Variants in POLI observed in about 807,000 individuals in gnomAD.
POLI encodes DNA polymerase iota.
A neutral mutation model predicts 51.6 loss-of-function variants in POLI; 58 were observed. The ratio of observed to expected loss-of-function variants is 1.12; its 90% CI spans 0.91 to 1.40. The LOEUF is 1.40. Ranked by LOEUF, POLI falls within the 40% of genes most tolerant of loss-of-function variation. The probability of loss-of-function intolerance (pLI) is 0.00; values close to 1 mark genes in which losing one functional copy is unlikely to be tolerated. For missense variants in POLI, 921 were observed against 871.3 expected (o/e 1.06, Z -0.72); for synonymous variants, 322 against 299.7 (o/e 1.07, Z -0.77).
Position 54,280,862 on chromosome 18 carries a change from A to G in POLI, c.755A>G (p.Gln252Arg). ...QQTVLLPESC[Q>R]HLIHSLNHIK... is the part of the protein sequence containing the mutation. ...ACAGTCTTATTACCTGAAAGTTGTCAACATCTTATTCATAGTTTGAATCAC... is the reference window on the plus strand; with the variant it reads ...ACAGTCTTATTACCTGAAAGTTGTCGACATCTTATTCATAGTTTGAATCAC... Residue 252 changes from glutamine to arginine, a missense_variant, in exon 5 of 10, where the codon CAA becomes CGA. Gln to Arg is a conservative substitution (Grantham distance 43). Coordinates refer to ENST00000579534, the MANE Select transcript of POLI (RefSeq NM_007195.3). The G allele has an allele frequency of 1.2e-6, 2 of 1,611,448 alleles. No homozygotes were observed. The highest frequency in any genetic ancestry group is 1.7e-6 in the Non-Finnish European group (2 of 1,177,580).
rs187183647 is a variant in POLI at position 54,314,794 on chromosome 18, T to A, written c.334-5479T>A. Among the ~76,000 whole-genome samples the A allele has an allele frequency of 1.1e-3, 162 of 150,406 alleles. 3 individuals are homozygous for A. In the South Asian group the frequency reaches 0.03, roughly 28 times the overall value. On this transcript the variant is annotated intron_variant, in intron 3 of 4. Transcript: ENST00000579823. ...TCACTGGGTATCTTCTGTATTTCTG[T>A]GGGATCAGTTGTAATGTCATCTTTG...
chr18:54,293,095 A>G (rs368327162), intron 9 of POLI, among the ~76,000 whole-genome samples: 2 of 152,138 alleles, frequency 1.3e-5, no homozygotes, highest in East Asian at 3.9e-4. Context: ...AAGGATTTAA[A>G]TGAAAAACTG....
At chr18:54,309,246 C>T (rs1003609042) in intron 3 of POLI, among the ~76,000 whole-genome samples, 1 of 152,150 alleles carries the variant, frequency 6.6e-6, no homozygotes, top group Non-Finnish European at 1.5e-5. Context: ...CTTTGATAAT[C>T]GTGACCTACA....
At chr18:54,304,132 T>A (rs2088539934) in intron 3 of POLI, among the ~76,000 whole-genome samples, 1 of 152,334 alleles carries the variant, frequency 6.6e-6, no homozygotes, top group Admixed American at 6.5e-5. Flanking sequence ...GGTATATATG[T>A]GACACATTTT....
At chr18:54,298,890 T>G (rs1412195274), downstream of POLI, among the ~76,000 whole-genome samples, 4 of 152,082 alleles carry the variant, frequency 2.6e-5, no homozygotes, top group African/African-American at 7.2e-5. Context: ...CTGGCCCTAC[T>G]ACAGAATCTT....
Position 54,296,159 on chromosome 18 carries a change from T to A in POLI, c.*1692T>A. On this transcript the variant is annotated 3_prime_UTR_variant, in exon 10 of 10. Transcript: ENST00000579534. ...TATGAAAAGGGTATATAACTTTTTG[T>A]AAATCATTAAAACATTTTATAGTCC... 1 of 984,168 alleles carries A rather than the reference T, an allele frequency of 1.0e-6. No homozygotes were observed. The highest frequency in any genetic ancestry group is 1.2e-6 in the Non-Finnish European group (1 of 828,782). 61.0% of individuals were successfully genotyped at this position (984,168 alleles called of 1,614,324 possible). A position where few individuals can be genotyped will look rare whatever the true frequency, so the allele number is the denominator to read the frequency against.
In POLI at chr18:54,309,458, A is replaced by G. The variant is rs376959886; in HGVS notation, c.334-10815A>G. ...ATTGCTGCCTGATCCTTCCTCTGGA[A>G]GCTTTGTCTCAGAGGGGCACCCGGC... On this transcript the variant is annotated intron_variant, in intron 3 of 4. Coordinates refer to the POLI transcript ENST00000579823. Among the ~76,000 whole-genome samples, 9 of 152,250 alleles carry G rather than the reference A, an allele frequency of 5.9e-5. 1 individual carries two copies. In the South Asian group the frequency reaches 1.9e-3, roughly 32 times the overall value.
chr18:54,272,318 A>G (rs1453370922), intron 2 of POLI: 1 of 152,210 alleles, frequency 6.6e-6, no homozygotes, highest in Non-Finnish European at 1.5e-5. Flanking sequence ...TTTCTCCTGA[A>G]GGCATTTCTG....
In POLI at chr18:54,303,305, G is replaced by C. The variant is rs1447868680; in HGVS notation, c.333+15894G>C. On this transcript the variant is annotated intron_variant, in intron 3 of 4. Transcript: ENST00000579823. ...CCTAGATTGTTCTGCATTATTCCTA[G>C]AATGACAGAATGGTAGAAAACTCAA... Among the ~76,000 whole-genome samples the C allele has an allele frequency of 3.3e-5, 5 of 152,202 alleles. No homozygotes were observed. The East Asian group carries it at 9.7e-4, about 29-fold the overall frequency.
rs1161996566 is a variant in POLI at position 54,269,556 on chromosome 18, C to G, written c.10C>G (p.Leu4Val). ...GGTTGGCAGCGGCGGGATGGAGAAG[C>G]TGGGGGTGGAGCCGGAGGAGGAAGG... MEK[L>V]GVEPEEEGGG... Residue 4 changes from leucine to valine, a missense_variant, in exon 1 of 10, where the codon CTG becomes GTG. Coordinates refer to ENST00000579534, the MANE Select transcript of POLI (RefSeq NM_007195.3). 6.6e-7 allele frequency: 1 copy of G among 1,507,422 alleles called. No homozygotes were observed. Among genetic ancestry groups the G allele is most frequent in the Non-Finnish European group, 8.8e-7 (1 of 1,133,224 alleles). The allele number at this position is 1,507,422 out of a possible 1,614,324, so 93.4% of individuals were successfully genotyped here.
chr18:54,307,200 C>A (rs949245825), intron 3 of POLI, among the ~76,000 whole-genome samples: 31 of 152,206 alleles, frequency 2.0e-4, no homozygotes, highest in African/African-American at 7.2e-4. Context: ...AATTTTAGAT[C>A]TTTCCTGCTT....
chr18:54,271,493 T>C lies in POLI; in HGVS notation c.241+8T>C, dbSNP rs1256369565. ...TAAAAGACAAACCTTTAGGTAACTG[T>C]AGATTTATAATATTTTTAATTGCAT... On this transcript the variant is annotated splice_region_variant and intron_variant, in intron 2 of 9. Coordinates refer to ENST00000579534, the MANE Select transcript of POLI (RefSeq NM_007195.3). The C allele has an allele frequency of 6.4e-7, 1 of 1,555,920 alleles. No individual in the cohort carries two copies. Among genetic ancestry groups the C allele is most frequent in the East Asian group, 2.3e-5 (1 of 43,570 alleles).
intron 1 of POLI, chr18:54,271,148 G>T: frequency 1.2e-5 from 4 of 347,634 alleles, no homozygotes; most frequent in South Asian, 7.0e-5. Flanking sequence ...TGAGAAAAAC[G>T]CAGTGCACAA....
chr18:54,282,504 C>G (rs1400561448), intron 5 of POLI, among the ~76,000 whole-genome samples: 1 of 152,090 alleles, frequency 6.6e-6, no homozygotes, highest in Non-Finnish European at 1.5e-5. Context: ...GAGAGAGAGG[C>G]AGAGACCACA....
rs753189997 is a variant in POLI at position 54,296,580 on chromosome 18, TCTC to T, written c.*2114_*2116del. On this transcript the variant is annotated 3_prime_UTR_variant, in exon 10 of 10. Coordinates refer to ENST00000579534, the MANE Select transcript of POLI (RefSeq NM_007195.3). ...AACCACTAGCTCTTCAAATATTTCT[TCTC>T]TATTCTAGGACTGTATACAAATGAT... The T allele has an allele frequency of 1.2e-5, 2 of 164,590 alleles. No homozygotes were observed. The highest frequency in any genetic ancestry group is 2.5e-5 in the Non-Finnish European group (2 of 79,422). 10.2% of individuals were successfully genotyped at this position (164,590 alleles called of 1,614,324 possible).
At chr18:54,279,790 A>G (rs555657710) in intron 4 of POLI, among the ~76,000 whole-genome samples, 1 of 152,340 alleles carries the variant, frequency 6.6e-6, no homozygotes, top group East Asian at 1.9e-4. Flanking sequence ...CACTTTTCAT[A>G]AAAGAGCTCT....
Position 54,295,125 on chromosome 18 carries a change from A to G in POLI, c.*658A>G, listed in dbSNP as rs1480961698. The G allele has an allele frequency of 2.0e-6, 2 of 985,476 alleles. No individual in the cohort carries two copies. The highest frequency in any genetic ancestry group is 2.4e-6 in the Non-Finnish European group (2 of 829,946). 61.0% of individuals were successfully genotyped at this position (985,476 alleles called of 1,614,324 possible). On this transcript the variant is annotated 3_prime_UTR_variant, in exon 10 of 10. Coordinates refer to ENST00000579534, the MANE Select transcript of POLI (RefSeq NM_007195.3). ...GAGAGGAGGGTATATGTTATAGAGA[A>G]CAGTGGTAGAAGGAACTCTCCGTGC...
intron 8 of POLI, among the ~76,000 whole-genome samples, chr18:54,289,519 A>G (rs1394772383): frequency 6.6e-6 from 1 of 152,124 alleles, no homozygotes; most frequent in Admixed American, 6.6e-5. Flanking sequence ...CCTATAGCCA[A>G]GACAATCCTA....
chr18:54,273,042 T>G lies in POLI; in HGVS notation c.242-884T>G, dbSNP rs3730701. On this transcript the variant is annotated intron_variant, in intron 2 of 9. Transcript: ENST00000579534. ...AACCTTTTTTTTCTACATGTTTGTA[T>G]TTTACATATTTTAGGTGAACATTAC... Among the ~76,000 whole-genome samples the G allele has an allele frequency of 1.8e-4, 28 of 152,220 alleles. No individual in the cohort carries two copies. The East Asian group carries it at 5.0e-3, about 27-fold the overall frequency.
Sources: gnomAD v4.1 joint callset for allele counts (sites outside exome capture counted in the v4.1 genomes callset) on GRCh38, gnomAD v4.1.1 for gene constraint, MANE v1.5 for transcripts, NCBI Gene and HGNC (gene_info 2026-07-23, HGNC 2026-07-21) for gene names.